The following PLEKHM3 variants were observed in gnomAD, a reference collection of about 807,000 sequenced individuals.
The protein encoded by PLEKHM3 is pleckstrin homology domain containing M3.
In PLEKHM3, 45 loss-of-function variants were observed where a neutral mutation model predicts 81.8. The observed-to-expected ratio is 0.55, with a 90% CI of 0.43 to 0.71. PLEKHM3 has a LOEUF of 0.71. PLEKHM3 is among the 30% of genes least tolerant of loss of function. PLEKHM3 has a pLI of 0.00. For synonymous variants in PLEKHM3, 352 were observed against 356.4 expected, an observed-to-expected ratio of 0.99 and a Z score of 0.14; for missense variants, 788 against 924.3, an observed-to-expected ratio of 0.85 and a Z score of 1.91.
At chr2:207,961,811 G>A (rs1172556490) in intron 3 of PLEKHM3, among the ~76,000 whole-genome samples, 1 of 152,176 alleles carries the variant, frequency 6.6e-6, no homozygotes, top group Non-Finnish European at 1.5e-5. Context: ...CCTTCCCCAG[G>A]TGGATGCTGT....
intron 6 of PLEKHM3, among the ~76,000 whole-genome samples, chr2:207,882,372 G>A (rs1409017933): frequency 6.6e-6 from 1 of 151,564 alleles, no homozygotes; most frequent in Non-Finnish European, 1.5e-5. Context: ...AGCACTTTGG[G>A]AGGCTGAGGC....
chr2:207,862,978 T>C (rs1302437392), intron 6 of PLEKHM3, among the ~76,000 whole-genome samples: 1 of 152,216 alleles, frequency 6.6e-6, no homozygotes, highest in Non-Finnish European at 1.5e-5. Flanking sequence ...ATGATTTCTC[T>C]GGAAGACTGT....
rs1264547901 is a variant in PLEKHM3, at chr2:208,010,806, G to C, written c.-318-8849C>G. ...CTTGAGCCTGAGTAATAGAGGCTGT[G>C]TTTCTAAATTCAATACAGGACTGTG... On this transcript the variant is annotated intron_variant, in intron 1 of 7. Transcript: ENST00000427836. Among the ~76,000 whole-genome samples, 3 of 152,126 alleles carry C rather than the reference G, an allele frequency of 2.0e-5. No individual in the cohort carries two copies. The East Asian group carries it at 5.8e-4, about 29-fold the overall frequency.
chr2:207,979,239 T>G (rs1415238527), intron 2 of PLEKHM3, among the ~76,000 whole-genome samples: 1 of 152,078 alleles, frequency 6.6e-6, no homozygotes, highest in East Asian at 1.9e-4. Context: ...TTATCAGACA[T>G]GAAAATGACA....
intron 7 of PLEKHM3, among the ~76,000 whole-genome samples, chr2:207,830,719 G>GGGCACTTCTTCT (rs71036959): frequency 6.8e-6 from 1 of 146,480 alleles, no homozygotes; most frequent in Non-Finnish European, 1.5e-5. Flanking sequence ...AGTGTCCTTA[G>GGGCACTTCTTCT]AAGTGTCCTA....
intron 2 of PLEKHM3, among the ~76,000 whole-genome samples, chr2:207,987,721 T>A (rs546089005): frequency 6.6e-6 from 1 of 152,296 alleles, no homozygotes; most frequent in African/African-American, 2.4e-5. Context: ...AAAGTTCTTA[T>A]CAATTCCAAC....
chr2:207,822,493 A>C lies in PLEKHM3; in HGVS notation c.*5826T>G, dbSNP rs1328925255. On this transcript the variant is annotated 3_prime_UTR_variant, in exon 8 of 8. Coordinates refer to ENST00000427836, the MANE Select transcript of PLEKHM3 (RefSeq NM_001080475.3). The stretch of plus-strand genomic sequence containing the variant: ...AAAGCAAACAAACAAATAAACAAAA[A>C]GAGCGATTGAAGAACAGCATAAAAC... 1 of 152,998 alleles carries C rather than the reference A, an allele frequency of 6.5e-6. No homozygotes were observed. The highest frequency in any genetic ancestry group is 1.5e-5 in the Non-Finnish European group (1 of 68,130). 9.5% of individuals were successfully genotyped at this position (152,998 alleles called of 1,614,324 possible).
intron 1 of PLEKHM3, among the ~76,000 whole-genome samples, chr2:208,002,486 G>C (rs1235446241): frequency 1.3e-5 from 2 of 152,152 alleles, no homozygotes; most frequent in Non-Finnish European, 2.9e-5. Context: ...TATAATGCTT[G>C]ATGATGACTC....
At chr2:207,939,403 G>A (rs940519010) in intron 4 of PLEKHM3, among the ~76,000 whole-genome samples, 5 of 152,108 alleles carry the variant, frequency 3.3e-5, no homozygotes, top group African/African-American at 4.8e-5. Flanking sequence ...GAAACAGCAC[G>A]GTATGACAGG....
At chr2:207,922,489 G>A (rs766177286) in intron 5 of PLEKHM3, among the ~76,000 whole-genome samples, 2 of 152,178 alleles carry the variant, frequency 1.3e-5, no homozygotes, top group Non-Finnish European at 2.9e-5. Context: ...TAGCCAGCAA[G>A]AGAGGATATA....
chr2:208,014,807 G>A (rs1692828726), intron 1 of PLEKHM3, among the ~76,000 whole-genome samples: 1 of 152,148 alleles, frequency 6.6e-6, no homozygotes, highest in Non-Finnish European at 1.5e-5. Context: ...CTGGGGCTCT[G>A]ACTGATCCAT....
intron 6 of PLEKHM3, among the ~76,000 whole-genome samples, chr2:207,907,078 A>G (rs1688634762): frequency 6.6e-6 from 1 of 152,186 alleles, no homozygotes; most frequent in Non-Finnish European, 1.5e-5. Flanking sequence ...ATCATTATCT[A>G]GTGTCCAACA....
At chr2:207,930,347 T>C (rs1479496054) in intron 5 of PLEKHM3, among the ~76,000 whole-genome samples, 3 of 152,072 alleles carry the variant, frequency 2.0e-5, no homozygotes, top group Non-Finnish European at 4.4e-5. Flanking sequence ...TTTGGGAGGC[T>C]GAGGCAGGAG....
At chr2:207,880,342 G>C (rs1305735916) in intron 6 of PLEKHM3, among the ~76,000 whole-genome samples, 1 of 151,954 alleles carries the variant, frequency 6.6e-6, no homozygotes, top group Admixed American at 6.5e-5. Context: ...AGGGGGCGAA[G>C]GTTGCAGTGA....
At chr2:207,835,142 A>C (rs1575265228) in intron 7 of PLEKHM3, among the ~76,000 whole-genome samples, 1 of 151,108 alleles carries the variant, frequency 6.6e-6, no homozygotes, top group Non-Finnish European at 1.5e-5. Context: ...ACGGGGTTTC[A>C]CCACGTTGGC....
intron 3 of PLEKHM3, among the ~76,000 whole-genome samples, chr2:207,948,349 CTTTTTTTTTTT>C (rs752976462): frequency 1.2e-4 from 10 of 81,068 alleles, no homozygotes; most frequent in Admixed American, 9.9e-4. Flanking sequence ...CTCCTCAGAT[CTTTTTTTTTTT>C]TTTTTTTTTT....
intron 2 of PLEKHM3, among the ~76,000 whole-genome samples, chr2:207,981,312 C>A (rs992966789): frequency 3.9e-5 from 6 of 152,026 alleles, no homozygotes; most frequent in Non-Finnish European, 7.4e-5. Flanking sequence ...ACTACCATCT[C>A]TCTTTAATCT....
chr2:207,856,447 A>C (rs1447204843), intron 7 of PLEKHM3, among the ~76,000 whole-genome samples: 1 of 152,240 alleles, frequency 6.6e-6, no homozygotes, highest in African/African-American at 2.4e-5. Context: ...CTGTCCTACA[A>C]ATCTCCTGTG....
At chr2:207,911,282 CTCA>C (rs1688802749) in intron 5 of PLEKHM3, among the ~76,000 whole-genome samples, 1 of 152,148 alleles carries the variant, frequency 6.6e-6, no homozygotes, top group South Asian at 2.1e-4. Flanking sequence ...CTGCAATTTT[CTCA>C]TTATATTTTG....
Sources: allele counts gnomAD v4.1 joint callset (sites outside exome capture counted in the v4.1 genomes callset), GRCh38; gene constraint gnomAD v4.1.1; transcripts MANE v1.5; gene names NCBI Gene and HGNC (gene_info 2026-07-23, HGNC 2026-07-21).